The following NLGN1 variants were observed in gnomAD, a reference collection of about 807,000 sequenced individuals.
NLGN1 encodes the protein neuroligin 1, also known as neuroligin-1.
Under a neutral mutation model 65.5 loss-of-function variants are expected in NLGN1, and 12 were observed. That is an observed-to-expected ratio of 0.18 (90% confidence interval 0.12 to 0.30). NLGN1 has a LOEUF of 0.30. Among genes scored for constraint, NLGN1 ranks in the 10% least tolerant of loss-of-function variants. The pLI, the probability that NLGN1 is intolerant of heterozygous loss-of-function variation, is 1.00. For missense variants in NLGN1, 750 were observed against 1,007.1 expected, an observed-to-expected ratio of 0.74 and a Z score of 3.46; for synonymous variants, 350 against 359.5, an observed-to-expected ratio of 0.97 and a Z score of 0.30.
Position 173,424,736 on chromosome 3 carries a change from A to G in NLGN1, c.-389-10274A>G, listed in dbSNP as rs116453520. ...CACCTCAGCCTAGACTTCATTTTTC[A>G]TATCGCTATCAGCATTTTAGTCAAA... On this transcript the variant is annotated intron_variant, in intron 1 of 6. Transcript: ENST00000457714. 9.2e-3 allele frequency among the ~76,000 whole-genome samples: 1,401 copies of G among 152,258 alleles called. 16 individuals are homozygous for G. Among genetic ancestry groups the G allele is most frequent in the African/African-American group, 0.032 (1,342 of 41,546 alleles).
chr3:173,740,188 A>G lies in NLGN1; in HGVS notation c.494-67492A>G, dbSNP rs540321164. On this transcript the variant is annotated intron_variant, in intron 3 of 6. Coordinates refer to ENST00000457714, the Ensembl canonical transcript of NLGN1. ...AAAACATAAAGGACAGTAAATTAGC[A>G]CACAGTACTTATCCCTGGAGTCTGC... 2.0e-5 allele frequency among the ~76,000 whole-genome samples: 3 copies of G among 152,244 alleles called. No homozygotes were observed. The East Asian group carries it at 5.8e-4, about 29-fold the overall frequency.
chr3:174,134,124 GA>G, intron 4 of NLGN1, among the ~76,000 whole-genome samples: 1 of 152,212 alleles, frequency 6.6e-6, no homozygotes, highest in East Asian at 1.9e-4. Context: ...CCCACAAAAC[GA>G]AAAGAAACAG....
chr3:173,531,275 T>G (rs781149104), intron 2 of NLGN1, among the ~76,000 whole-genome samples: 3 of 152,088 alleles, frequency 2.0e-5, no homozygotes, highest in Non-Finnish European at 4.4e-5. Flanking sequence ...AGACCTTGAT[T>G]TTTCAAGAAC....
chr3:173,820,149 A>G (rs986405090), intron 4 of NLGN1, among the ~76,000 whole-genome samples: 3 of 148,524 alleles, frequency 2.0e-5, no homozygotes, highest in African/African-American at 7.4e-5. Flanking sequence ...ACTGCACTCC[A>G]GCCTGGGAGA....
At chr3:173,939,223 A>G (rs1745560264) in intron 4 of NLGN1, among the ~76,000 whole-genome samples, 1 of 152,204 alleles carries the variant, frequency 6.6e-6, no homozygotes, top group African/African-American at 2.4e-5. Context: ...AGAAATGTTT[A>G]TCTAACGGAG....
At chr3:173,562,173 G>A (rs2149301205) in intron 2 of NLGN1, among the ~76,000 whole-genome samples, 1 of 152,368 alleles carries the variant, frequency 6.6e-6, no homozygotes, top group East Asian at 1.9e-4. Context: ...AGGGAATGTA[G>A]AAGAGAGTAG....
chr3:173,485,521 A>C (rs1272853695), intron 2 of NLGN1, among the ~76,000 whole-genome samples: 1 of 152,198 alleles, frequency 6.6e-6, no homozygotes, highest in Admixed American at 6.5e-5. Context: ...AATTTACATT[A>C]ATGTAAGAAA....
intron 4 of NLGN1, among the ~76,000 whole-genome samples, chr3:173,928,672 ATTTT>A (rs34589178): frequency 1.5e-5 from 2 of 134,526 alleles, no homozygotes; most frequent in African/African-American, 2.8e-5. Flanking sequence ...GACATAGTTA[ATTTT>A]TTTTTTTTTT....
At chr3:173,820,819 A>C (rs1199534931) in intron 4 of NLGN1, among the ~76,000 whole-genome samples, 1 of 152,176 alleles carries the variant, frequency 6.6e-6, no homozygotes, top group Non-Finnish European at 1.5e-5. Context: ...AAGGATAACT[A>C]TTCACTTTAT....
At chr3:173,925,717 A>G (rs577459340) in intron 4 of NLGN1, among the ~76,000 whole-genome samples, 5 of 152,218 alleles carry the variant, frequency 3.3e-5, no homozygotes, top group Admixed American at 6.5e-5. Flanking sequence ...GGATCTGTTG[A>G]CAAACATATA....
Position 173,549,959 on chromosome 3 carries a change from C to T in NLGN1, c.-320-54320C>T, listed in dbSNP as rs1740566444. On this transcript the variant is annotated intron_variant, in intron 2 of 6. Transcript: ENST00000457714. ...CTTCAGTGATGAATTCCACAGGTCA[C>T]TGGCATAAGATGGTTTTCAAAATGT... is the stretch of plus-strand genomic sequence containing the variant. 2.0e-5 allele frequency among the ~76,000 whole-genome samples: 3 copies of T among 152,054 alleles called. No individual in the cohort carries two copies. In the South Asian group the frequency reaches 6.2e-4, roughly 31 times the overall value.
chr3:173,584,197 A>T (rs1553766824), intron 2 of NLGN1, among the ~76,000 whole-genome samples: 1 of 151,106 alleles, frequency 6.6e-6, no homozygotes, highest in Non-Finnish European at 1.5e-5. Context: ...ATTGCAGTTC[A>T]GCCTTCTTTA....
chr3:174,118,094 CTT>C (rs1192877840), intron 4 of NLGN1, among the ~76,000 whole-genome samples: 2 of 152,240 alleles, frequency 1.3e-5, no homozygotes, highest in East Asian at 1.9e-4. Flanking sequence ...ATTTTTCTCT[CTT>C]ATTTTTATTT....
chr3:173,697,362 A>G (rs931707370), intron 3 of NLGN1, among the ~76,000 whole-genome samples: 22 of 152,130 alleles, frequency 1.4e-4, no homozygotes, highest in African/African-American at 5.3e-4. Flanking sequence ...TTACCTTTCT[A>G]AGTCTCAGTT....
At chr3:173,726,440 C>A (rs1302574102) in intron 3 of NLGN1, among the ~76,000 whole-genome samples, 2 of 151,928 alleles carry the variant, frequency 1.3e-5, no homozygotes, top group Admixed American at 6.6e-5. Context: ...TCTTTTCTCA[C>A]AGGATTCTCA....
chr3:173,581,390 T>C (rs1375765892), intron 2 of NLGN1, among the ~76,000 whole-genome samples: 2 of 152,062 alleles, frequency 1.3e-5, no homozygotes, highest in Non-Finnish European at 2.9e-5. Context: ...TTTCATGTTG[T>C]AATTTCAGCT....
At chr3:173,648,977 TTTC>T (rs1486237830) in intron 3 of NLGN1, among the ~76,000 whole-genome samples, 12 of 152,304 alleles carry the variant, frequency 7.9e-5, no homozygotes, top group African/African-American at 2.6e-4. Context: ...AGAACCTTTA[TTTC>T]TATTAGTATG....
chr3:173,446,335 A>G (rs1020237576), intron 2 of NLGN1, among the ~76,000 whole-genome samples: 3 of 151,444 alleles, frequency 2.0e-5, no homozygotes. Context: ...TTGTCCTTGC[A>G]ATAGTTTGCT....
At chr3:173,696,237 T>C (rs1766198396) in intron 3 of NLGN1, among the ~76,000 whole-genome samples, 1 of 152,176 alleles carries the variant, frequency 6.6e-6, no homozygotes, top group African/African-American at 2.4e-5. Flanking sequence ...GACAGGAGGA[T>C]TTTGCCCTCC....
Sources: gnomAD v4.1 joint callset for allele counts (sites outside exome capture counted in the v4.1 genomes callset) on GRCh38, gnomAD v4.1.1 for gene constraint, MANE v1.5 for transcripts, NCBI Gene and HGNC (gene_info 2026-07-23, HGNC 2026-07-21) for gene names.